TTC28: variants seen among roughly 807,000 people sequenced by gnomAD.
TTC28 encodes the protein tetratricopeptide repeat protein 28.
A neutral mutation model predicts 198.0 loss-of-function variants in TTC28; 61 were observed. The observed-to-expected ratio is 0.31, with a 90% CI of 0.25 to 0.38. TTC28 has a LOEUF of 0.38. Ranked by LOEUF, TTC28 falls within the 10% of genes least tolerant of loss-of-function variation. TTC28 has a pLI of 1.00. For synonymous variants in TTC28, 1,171 were observed against 1,297.8 expected (o/e 0.90, Z 2.10); for missense variants, 2,678 against 3,164.0 (o/e 0.85, Z 3.69).
At chr22:28,188,420 G>A (rs1924404245) in intron 5 of TTC28, among the ~76,000 whole-genome samples, 1 of 152,146 alleles carries the variant, frequency 6.6e-6, no homozygotes, top group South Asian at 2.1e-4. Context: ...AAAGGAGCAG[G>A]AATTGAGGCA....
chr22:28,577,296 T>C (rs1358465802), intron 2 of TTC28, among the ~76,000 whole-genome samples: 1 of 152,152 alleles, frequency 6.6e-6, no homozygotes, highest in African/African-American at 2.4e-5. Context: ...TTCCTCACTA[T>C]TGATTTCCAG....
intron 12 of TTC28, among the ~76,000 whole-genome samples, chr22:28,092,293 C>T (rs899218072): frequency 6.6e-6 from 1 of 152,016 alleles, no homozygotes; most frequent in African/African-American, 2.4e-5. Flanking sequence ...CAGAGCTTGC[C>T]CTCAGTTCTG....
chr22:28,677,203 C>CAT, intron 1 of TTC28, among the ~76,000 whole-genome samples: 1 of 86,846 alleles, frequency 1.2e-5, no homozygotes, highest in Non-Finnish European at 2.2e-5. Context: ...TATATATATA[C>CAT]ACACATATAT....
chr22:28,548,838 T>C (rs1250575005), intron 2 of TTC28, among the ~76,000 whole-genome samples: 2 of 152,194 alleles, frequency 1.3e-5, no homozygotes, highest in Non-Finnish European at 2.9e-5. Flanking sequence ...CTACCTATGA[T>C]GCCTCTTTTA....
intron 2 of TTC28, among the ~76,000 whole-genome samples, chr22:28,602,509 T>C (rs1430811130): frequency 6.6e-6 from 1 of 152,168 alleles, no homozygotes; most frequent in Non-Finnish European, 1.5e-5. Context: ...TGATTGCACA[T>C]CATGTCTGCA....
intron 2 of TTC28, among the ~76,000 whole-genome samples, chr22:28,552,526 T>C (rs910125609): frequency 7.2e-5 from 11 of 152,108 alleles, no homozygotes; most frequent in Non-Finnish European, 1.5e-5. Flanking sequence ...GGTATAAAAA[T>C]AGGCACATAG....
At chr22:27,992,993 G>A (rs1268244899) in intron 18 of TTC28, 3 of 564,660 alleles carry the variant, frequency 5.3e-6, no homozygotes, top group South Asian at 4.6e-5. Flanking sequence ...AGCTGCTGAT[G>A]ACAATGGCAG....
At chr22:28,631,716 A>G (rs2051176271) in intron 1 of TTC28, among the ~76,000 whole-genome samples, 1 of 151,994 alleles carries the variant, frequency 6.6e-6, no homozygotes. Flanking sequence ...TGTAGAGACG[A>G]AGTCTCCTCA....
rs570263552 is a variant in TTC28, at chr22:28,145,620, G to A, written c.1441+17472C>T. Reference sequence around the variant, plus strand: ...GGAGAGTTTGTCAGCAAGAGATGAAGACATCAAATAACAACATGTACTTCT... The same window carrying A: ...GGAGAGTTTGTCAGCAAGAGATGAAAACATCAAATAACAACATGTACTTCT... On this transcript the variant is annotated intron_variant, in intron 6 of 22. Coordinates refer to ENST00000397906, the MANE Select transcript of TTC28 (RefSeq NM_001145418.2). Among the ~76,000 whole-genome samples the A allele has an allele frequency of 4.6e-5, 7 of 152,286 alleles. No homozygotes were observed. The East Asian group carries it at 1.3e-3, about 29-fold the overall frequency.
chr22:28,262,588 C>A (rs1384082657), intron 5 of TTC28, among the ~76,000 whole-genome samples: 2 of 151,700 alleles, frequency 1.3e-5, no homozygotes. Context: ...TATAGCTTCC[C>A]CTGTGATACA....
chr22:28,152,857 A>T (rs969232086), intron 6 of TTC28, among the ~76,000 whole-genome samples: 4 of 152,218 alleles, frequency 2.6e-5, no homozygotes, highest in Admixed American at 1.3e-4. Context: ...TCCAATGTAT[A>T]ACAATTAAAA....
chr22:28,003,951 A>C (rs1472562118), intron 14 of TTC28, among the ~76,000 whole-genome samples: 1 of 152,208 alleles, frequency 6.6e-6, no homozygotes. Context: ...TGGGGACCGT[A>C]GGGAAGTCAG....
At chr22:28,577,653 G>A (rs1444903300) in intron 2 of TTC28, among the ~76,000 whole-genome samples, 2 of 151,814 alleles carry the variant, frequency 1.3e-5, no homozygotes, top group African/African-American at 4.8e-5. Context: ...CCCAGTGTTG[G>A]GTATATATAT....
intron 2 of TTC28, among the ~76,000 whole-genome samples, chr22:28,521,663 T>C (rs565500253): frequency 1.3e-4 from 20 of 152,078 alleles, no homozygotes; most frequent in Non-Finnish European, 2.6e-4. Flanking sequence ...CTCTTGGGGA[T>C]AGTAAGACAA....
rs146851230 is a variant in TTC28, at chr22:28,277,059, G to A, written c.933+19139C>T. Among the ~76,000 whole-genome samples, 9 of 152,094 alleles carry A rather than the reference G, an allele frequency of 5.9e-5. No homozygotes were observed. In the East Asian group the frequency reaches 1.7e-3, roughly 29 times the overall value. ...AGTAAAATTAATTAATTAGTGAAGT[G>A]TTATCAGAGACTAAAATAATAAAAA... On this transcript the variant is annotated intron_variant, in intron 5 of 22. Transcript: ENST00000397906.
intron 2 of TTC28, among the ~76,000 whole-genome samples, chr22:28,366,291 C>A (rs1288583336): frequency 6.6e-6 from 1 of 152,128 alleles, no homozygotes. Context: ...AAATCTAACA[C>A]AATATATTTT....
intron 6 of TTC28, among the ~76,000 whole-genome samples, chr22:28,146,024 G>C (rs1366005143): frequency 6.6e-6 from 1 of 152,162 alleles, no homozygotes; most frequent in African/African-American, 2.4e-5. Context: ...CAGGCCATCT[G>C]ATTGAAAGCT....
chr22:28,193,330 A>C (rs1925050757), intron 5 of TTC28, among the ~76,000 whole-genome samples: 1 of 152,234 alleles, frequency 6.6e-6, no homozygotes, highest in Non-Finnish European at 1.5e-5. Context: ...CACTGCAAAA[A>C]TATGCCAAAT....
chr22:28,094,175 G>A lies in TTC28; in HGVS notation c.3837C>T (p.Ser1279=), dbSNP rs1941902048. 1.9e-6 allele frequency: 3 copies of A among 1,551,464 alleles called. No individual in the cohort carries two copies. ...TTGCTGTTGGAAGGGTTACACTGCT[G>A]CTGGCCTGGAAGTCACTTGAGTTTT... The part of the protein sequence containing the change: ...TVENSSDFQA[S]SSVTLPTATG... The change falls in exon 12 of 23, where the codon AGC becomes AGT. Residue 1279 remains serine, a synonymous_variant. Coordinates refer to ENST00000397906, the MANE Select transcript of TTC28 (RefSeq NM_001145418.2).
Sources: gnomAD v4.1 joint callset for allele counts (sites outside exome capture counted in the v4.1 genomes callset) on GRCh38, gnomAD v4.1.1 for gene constraint, MANE v1.5 for transcripts, NCBI Gene and HGNC (gene_info 2026-07-23, HGNC 2026-07-21) for gene names.